The following ADARB2 variants were observed in gnomAD, a reference collection of about 807,000 sequenced individuals.
ADARB2 encodes the protein adenosine deaminase RNA specific B2 (inactive).
ADARB2 carries 25 observed loss-of-function variants against 62.2 expected under a neutral mutation model. The ratio of observed to expected loss-of-function variants is 0.40; its 90% CI spans 0.29 to 0.56. The LOEUF is 0.56. Ranked by LOEUF, ADARB2 falls within the 20% of genes least tolerant of loss-of-function variation. The pLI is 0.43. For missense variants in ADARB2, 1,071 were observed against 1,077.4 expected, an observed-to-expected ratio of 0.99 and a Z score of 0.08; for synonymous variants, 572 against 500.8, an observed-to-expected ratio of 1.14 and a Z score of -1.90.
rs1036964052 is a variant in ADARB2, at chr10:1,581,838, G to A, written c.100+155213C>T. On this transcript the variant is annotated intron_variant, in intron 1 of 9. Coordinates refer to ENST00000381312, the MANE Select transcript of ADARB2 (RefSeq NM_018702.4). ...GACTTAGAAATAGATGTGTGTGTGT[G>A]TGTGTGTGTGTGTGTGTGTGTGTGT... Among the ~76,000 whole-genome samples, 1,309 of 137,972 alleles carry A rather than the reference G, an allele frequency of 9.5e-3. 23 individuals carry two copies. The highest frequency in any genetic ancestry group is 0.038 in the African/African-American group (1,157 of 30,516). 90.5% of individuals were successfully genotyped at this position (137,972 alleles called of 152,430 possible).
intron 2 of ADARB2, among the ~76,000 whole-genome samples, chr10:1,372,795 G>A (rs1019190038): frequency 2.0e-5 from 3 of 152,128 alleles, no homozygotes; most frequent in Admixed American, 6.5e-5. Context: ...TATTCTTGCC[G>A]GTCATAATTG....
At position 1,709,651 on chromosome 10, in the gene ADARB2, A is replaced by T. The variant is rs553298651; in HGVS notation, c.100+27400T>A. On this transcript the variant is annotated intron_variant, in intron 1 of 9. Coordinates refer to ENST00000381312, the MANE Select transcript of ADARB2 (RefSeq NM_018702.4). ...GGTGACTTGAGCTTCCAAGGGGGGA[A>T]CATTCTGAAAGTATCTTCAAAGAGT... Among the ~76,000 whole-genome samples the T allele has an allele frequency of 7.2e-5, 11 of 152,320 alleles. 1 individual carries two copies. The South Asian group carries it at 2.3e-3, about 32-fold the overall frequency.
intron 4 of ADARB2, among the ~76,000 whole-genome samples, chr10:1,266,365 C>T (rs1249599325): frequency 6.6e-6 from 1 of 152,238 alleles, no homozygotes; most frequent in Non-Finnish European, 1.5e-5. Context: ...GTTGGCCAAG[C>T]ATCCTGCTCT....
intron 1 of ADARB2, among the ~76,000 whole-genome samples, chr10:1,462,986 G>A (rs992353390): frequency 2.1e-5 from 3 of 144,844 alleles, no homozygotes; most frequent in African/African-American, 7.5e-5. Flanking sequence ...CACTCCGGAT[G>A]CAGTAGGGAA....
chr10:1,216,803 C>T (rs1830628428), intron 7 of ADARB2, 148 bp downstream of exon 7: 2 of 1,063,804 alleles, frequency 1.9e-6, no homozygotes, highest in Non-Finnish European at 1.3e-6. Flanking sequence ...TGTGGAATGG[C>T]TGTGGAGTTC....
At chr10:1,467,989 A>T (rs1831273579) in intron 1 of ADARB2, among the ~76,000 whole-genome samples, 1 of 152,220 alleles carries the variant, frequency 6.6e-6, no homozygotes, top group Admixed American at 6.5e-5. Context: ...ATTATAGTGG[A>T]ATCAAAAGTC....
chr10:1,515,683 C>G (rs1831999766), intron 1 of ADARB2, among the ~76,000 whole-genome samples: 1 of 152,354 alleles, frequency 6.6e-6, no homozygotes, highest in African/African-American at 2.4e-5. Flanking sequence ...CCTGCCCACC[C>G]ACCCCTCAGC....
chr10:1,662,375 C>G (rs7070715), intron 1 of ADARB2, among the ~76,000 whole-genome samples: 1 of 151,968 alleles, frequency 6.6e-6, no homozygotes, highest in African/African-American at 2.4e-5. Context: ...CTGATTGAAC[C>G]GGGGCAGGGC....
intron 1 of ADARB2, among the ~76,000 whole-genome samples, chr10:1,718,518 T>C (rs1368714886): frequency 6.6e-6 from 1 of 152,208 alleles, no homozygotes; most frequent in East Asian, 1.9e-4. Context: ...GAGTCCACAA[T>C]CGAGTCTCTC....
intron 8 of ADARB2, among the ~76,000 whole-genome samples, chr10:1,188,587 CT>C (rs60434013): frequency 0.011 from 1,602 of 140,074 alleles, 19 homozygotes; most frequent in African/African-American, 0.025. Flanking sequence ...AATAGCAGTC[CT>C]TTTTTTTTTT....
rs1334801940 is a variant in ADARB2 at position 1,178,606 on chromosome 10, A to G, written c.*4587T>C. 1 of 152,282 alleles carries G rather than the reference A, an allele frequency of 6.6e-6. No homozygotes were observed. Among genetic ancestry groups the G allele is most frequent in the East Asian group, 1.9e-4 (1 of 5,192 alleles). The allele number at this position is 152,282 out of a possible 1,614,324, so 9.4% of individuals were successfully genotyped here. A position where few individuals can be genotyped will look rare whatever the true frequency, so the allele number is the denominator to read the frequency against. On this transcript the variant is annotated 3_prime_UTR_variant, in exon 10 of 10. Transcript: ENST00000381312. ...ACCCGCCTAGCCCCACACAGTGGCA[A>G]AATACCAAAAGACCCTAAAATACCA...
At chr10:1,695,935 T>C (rs1490767728) in intron 1 of ADARB2, among the ~76,000 whole-genome samples, 10 of 152,078 alleles carry the variant, frequency 6.6e-5, no homozygotes, top group Admixed American at 6.5e-4. Flanking sequence ...AGTGTGCATA[T>C]GTGTATGCCT....
At chr10:1,603,205 G>A (rs1322057294) in intron 1 of ADARB2, among the ~76,000 whole-genome samples, 1 of 152,104 alleles carries the variant, frequency 6.6e-6, no homozygotes, top group East Asian at 1.9e-4. Flanking sequence ...ATGTGGCCGG[G>A]GTGGAGCTGG....
chr10:1,589,333 G>T lies in ADARB2; in HGVS notation c.100+147718C>A, dbSNP rs367853198. On this transcript the variant is annotated intron_variant, in intron 1 of 9. Coordinates refer to ENST00000381312, the MANE Select transcript of ADARB2 (RefSeq NM_018702.4). ...CCACGGTCAGGGCATCCATGGTCGG[G>T]GCATCCACGATCAGGGCATCCATGG... Among the ~76,000 whole-genome samples, 19 of 152,290 alleles carry T rather than the reference G, an allele frequency of 1.2e-4. No individual in the cohort carries two copies. The East Asian group carries it at 2.9e-3, about 23-fold the overall frequency.
chr10:1,470,073 A>G (rs537900276), intron 1 of ADARB2, among the ~76,000 whole-genome samples: 4 of 152,128 alleles, frequency 2.6e-5, no homozygotes, highest in Admixed American at 6.5e-5. Context: ...GCGACCTTCC[A>G]AGGTCATCCA....
chr10:1,482,135 T>C (rs1831481489), intron 1 of ADARB2, among the ~76,000 whole-genome samples: 1 of 152,200 alleles, frequency 6.6e-6, no homozygotes, highest in Non-Finnish European at 1.5e-5. Flanking sequence ...AACTTGTAAA[T>C]TGCCAGTGTG....
chr10:1,241,685 C>G (rs1830925935), intron 5 of ADARB2, among the ~76,000 whole-genome samples: 1 of 152,228 alleles, frequency 6.6e-6, no homozygotes, highest in Non-Finnish European at 1.5e-5. Flanking sequence ...GGGCACAGTT[C>G]TCAAGGCCTC....
intron 1 of ADARB2, among the ~76,000 whole-genome samples, chr10:1,617,704 T>C (rs1833660443): frequency 6.6e-6 from 1 of 151,276 alleles, no homozygotes; most frequent in East Asian, 1.9e-4. Flanking sequence ...GTGCTCTGCA[T>C]CCTGGGAACT....
intron 8 of ADARB2, among the ~76,000 whole-genome samples, chr10:1,186,009 T>C (rs572587974): frequency 6.6e-6 from 1 of 152,156 alleles, no homozygotes; most frequent in African/African-American, 2.4e-5. Flanking sequence ...TGCCACAAGA[T>C]GTCTGGAAAC....
Sources: allele counts gnomAD v4.1 joint callset (sites outside exome capture counted in the v4.1 genomes callset), GRCh38; gene constraint gnomAD v4.1.1; transcripts MANE v1.5; gene names NCBI Gene and HGNC (gene_info 2026-07-23, HGNC 2026-07-21).